The following GPR39 variants were observed in gnomAD, a reference collection of about 807,000 sequenced individuals.
GPR39 encodes zinc sensing receptor.
A neutral mutation model predicts 18.4 loss-of-function variants in GPR39; 23 were observed. The ratio of observed to expected loss-of-function variants is 1.25; its 90% CI spans 0.90 to 1.77. The LOEUF (loss-of-function observed/expected upper bound fraction) is 1.77. Ranked by LOEUF, GPR39 falls within the 40% of genes most tolerant of loss-of-function variation. The probability of loss-of-function intolerance (pLI) is 0.00; values close to 1 mark genes in which losing one functional copy is unlikely to be tolerated. For synonymous variants in GPR39, 280 were observed against 257.9 expected, an observed-to-expected ratio of 1.09 and a Z score of -0.82; for missense variants, 647 against 602.4, an observed-to-expected ratio of 1.07 and a Z score of -0.78.
chr2:132,591,270 A>C (rs1430482012), intron 1 of GPR39, among the ~76,000 whole-genome samples: 12 of 122,502 alleles, frequency 9.8e-5, no homozygotes, highest in East Asian at 7.4e-4. Context: ...AAAAAAAAAA[A>C]AAAAAAACAA....
chr2:132,582,794 C>T (rs2104824352), intron 1 of GPR39, among the ~76,000 whole-genome samples: 1 of 152,244 alleles, frequency 6.6e-6, no homozygotes, highest in East Asian at 1.9e-4. Flanking sequence ...TCACTACCTA[C>T]AGCAGTACTT....
chr2:132,508,617 G>A (rs956335833), intron 1 of GPR39, among the ~76,000 whole-genome samples: 5 of 152,200 alleles, frequency 3.3e-5, no homozygotes, highest in Non-Finnish European at 5.9e-5. Context: ...TTTCCTAGAG[G>A]TGGAGGACAG....
At chr2:132,533,077 G>A (rs1435893690) in intron 1 of GPR39, among the ~76,000 whole-genome samples, 3 of 152,166 alleles carry the variant, frequency 2.0e-5, no homozygotes, top group Non-Finnish European at 2.9e-5. Flanking sequence ...CAGATGACAT[G>A]ATTGTATATC....
At chr2:132,572,562 T>A (rs896596087) in intron 1 of GPR39, among the ~76,000 whole-genome samples, 1 of 151,720 alleles carries the variant, frequency 6.6e-6, no homozygotes, top group Non-Finnish European at 1.5e-5. Flanking sequence ...AACCTCATTC[T>A]AAACTAGATC....
At chr2:132,530,920 C>T (rs1179924633) in intron 1 of GPR39, among the ~76,000 whole-genome samples, 2 of 152,152 alleles carry the variant, frequency 1.3e-5, no homozygotes, top group Non-Finnish European at 2.9e-5. Flanking sequence ...TAAAGACCAT[C>T]AAGGCTAGGA....
rs548536207 is a variant in GPR39, at chr2:132,428,002, G to A, written c.856+10104G>A. Among the ~76,000 whole-genome samples the A allele has an allele frequency of 1.2e-3, 182 of 148,042 alleles. 1 individual carries two copies. The highest frequency in any genetic ancestry group is 4.4e-3 in the African/African-American group (178 of 40,448). On this transcript the variant is annotated intron_variant, in intron 1 of 1. Coordinates refer to ENST00000329321, the MANE Select transcript of GPR39 (RefSeq NM_001508.3). ...ATATATATTTAAAAGACAGCTGATG[G>A]GTTTTCACTGTTTTTCAAGTTCAAG...
intron 1 of GPR39, among the ~76,000 whole-genome samples, chr2:132,608,219 G>A (rs968840972): frequency 3.7e-4 from 57 of 152,142 alleles, no homozygotes; most frequent in African/African-American, 1.3e-3. Context: ...AATGACAAGC[G>A]CAATAATAAA....
intron 1 of GPR39, among the ~76,000 whole-genome samples, chr2:132,506,870 AT>A (rs58949125): frequency 0.51 from 75,735 of 149,968 alleles, 19,704 homozygotes; most frequent in East Asian, 0.95. Flanking sequence ...TGTTTCTCCT[AT>A]TTTTTTTTTT....
chr2:132,426,479 C>T (rs1446971938), intron 1 of GPR39, among the ~76,000 whole-genome samples: 1 of 152,184 alleles, frequency 6.6e-6, no homozygotes, highest in Non-Finnish European at 1.5e-5. Context: ...AAGCTGATGC[C>T]TAGGCAGCTC....
At chr2:132,481,440 T>A (rs1465874105) in intron 1 of GPR39, among the ~76,000 whole-genome samples, 1 of 152,220 alleles carries the variant, frequency 6.6e-6, no homozygotes, top group Admixed American at 6.5e-5. Context: ...GTCTTTTTAG[T>A]GTTTGCTATA....
intron 1 of GPR39, among the ~76,000 whole-genome samples, chr2:132,640,854 CT>C (rs957566475): frequency 1.3e-5 from 2 of 152,118 alleles, no homozygotes; most frequent in South Asian, 2.1e-4. Flanking sequence ...GAACAACAAA[CT>C]TTTTTTAATG....
At chr2:132,638,184 G>A (rs1338435743) in intron 1 of GPR39, among the ~76,000 whole-genome samples, 1 of 152,140 alleles carries the variant, frequency 6.6e-6, no homozygotes, top group Non-Finnish European at 1.5e-5. Context: ...AGCTGTGTGT[G>A]GAAATAAGTG....
intron 1 of GPR39, among the ~76,000 whole-genome samples, chr2:132,467,228 C>T (rs1413527233): frequency 6.6e-6 from 1 of 152,170 alleles, no homozygotes. Flanking sequence ...AGAGCACTGG[C>T]TCCTGTGGGG....
intron 1 of GPR39, among the ~76,000 whole-genome samples, chr2:132,539,634 C>G (rs1187566607): frequency 6.6e-6 from 1 of 152,176 alleles, no homozygotes; most frequent in South Asian, 2.1e-4. Flanking sequence ...TTATTTTGTT[C>G]ATAATGTTGC....
At chr2:132,459,636 T>A (rs60105577) in intron 1 of GPR39, among the ~76,000 whole-genome samples, 142 of 152,322 alleles carry the variant, frequency 9.3e-4, no homozygotes, top group African/African-American at 2.8e-3. Context: ...TGTCACTCCA[T>A]GTTGTAGGTG....
intron 1 of GPR39, among the ~76,000 whole-genome samples, chr2:132,458,276 G>C (rs544837747): frequency 6.6e-6 from 1 of 152,106 alleles, no homozygotes; most frequent in South Asian, 2.1e-4. Flanking sequence ...ATTCTTACCA[G>C]TCTTGTTTTA....
chr2:132,528,771 T>G (rs1250065139), intron 1 of GPR39, among the ~76,000 whole-genome samples: 1 of 152,216 alleles, frequency 6.6e-6, no homozygotes, highest in Non-Finnish European at 1.5e-5. Flanking sequence ...TTGTGATTTT[T>G]GCACATTGAT....
intron 1 of GPR39, among the ~76,000 whole-genome samples, chr2:132,570,146 C>A (rs1441449520): frequency 6.6e-6 from 1 of 152,136 alleles, no homozygotes; most frequent in African/African-American, 2.4e-5. Context: ...GCCCTCCCCA[C>A]CCAGCTGATT....
At chr2:132,459,807 C>T (rs1425518876) in intron 1 of GPR39, among the ~76,000 whole-genome samples, 4 of 152,198 alleles carry the variant, frequency 2.6e-5, no homozygotes, top group Non-Finnish European at 5.9e-5. Context: ...CCCTCTTGAA[C>T]TTATATGACA....
Sources: allele counts gnomAD v4.1 joint callset (sites outside exome capture counted in the v4.1 genomes callset), GRCh38; gene constraint gnomAD v4.1.1; transcripts MANE v1.5; gene names NCBI Gene and HGNC (gene_info 2026-07-23, HGNC 2026-07-21).